DGCR2: variants seen among roughly 807,000 people sequenced by gnomAD.
DGCR2 encodes the protein integral membrane protein DGCR2/IDD.
Under a neutral mutation model 51.6 loss-of-function variants are expected in DGCR2, and 24 were observed. That is an observed-to-expected ratio of 0.47 (90% CI 0.34 to 0.65). The LOEUF is 0.65. DGCR2 is among the 30% of genes least tolerant of loss of function. The pLI is 0.01. For missense variants in DGCR2, 765 were observed against 772.1 expected, an observed-to-expected ratio of 0.99 and a Z score of 0.11; for synonymous variants, 340 against 315.4, an observed-to-expected ratio of 1.08 and a Z score of -0.82.
chr22:19,062,804 C>CTCTCTCTCTCTATCTCTA (rs1555903929), intron 5 of DGCR2, among the ~76,000 whole-genome samples: 1 of 147,946 alleles, frequency 6.8e-6, no homozygotes, highest in Non-Finnish European at 1.5e-5. Flanking sequence ...CTCTCTCTCT[C>CTCTCTCTCTCTATCTCTA]TCTATCTGCC....
intron 1 of DGCR2, among the ~76,000 whole-genome samples, chr22:19,120,084 C>T (rs1248723828): frequency 2.0e-5 from 3 of 152,284 alleles, no homozygotes; most frequent in East Asian, 1.9e-4. Flanking sequence ...GAGGCACACA[C>T]GGGCATACAA....
At chr22:19,117,700 G>T (rs1345411607) in intron 1 of DGCR2, among the ~76,000 whole-genome samples, 2 of 152,160 alleles carry the variant, frequency 1.3e-5, no homozygotes, top group African/African-American at 4.8e-5. Flanking sequence ...GGATATGCAG[G>T]TGTTCTCTGC....
chr22:19,115,893 CTCACATT>C (rs2083368335), intron 1 of DGCR2, among the ~76,000 whole-genome samples: 1 of 152,242 alleles, frequency 6.6e-6, no homozygotes, highest in Non-Finnish European at 1.5e-5. Flanking sequence ...CACAAACCAC[CTCACATT>C]TCACATTTCA....
chr22:19,041,735 G>A, intron 8 of DGCR2, 72 bp downstream of exon 8: 2 of 1,522,630 alleles, frequency 1.3e-6, no homozygotes, highest in Admixed American at 3.7e-5. Context: ...CAGGGCTGGG[G>A]AGCTCATGGA....
intron 5 of DGCR2, among the ~76,000 whole-genome samples, chr22:19,059,430 T>A (rs2107297): frequency 0.24 from 35,711 of 151,734 alleles, 4,751 homozygotes; most frequent in African/African-American, 0.37. Flanking sequence ...CAGATTTTCC[T>A]CCAGGGCCTC....
At chr22:19,055,051 G>A (rs2082586803) in intron 6 of DGCR2, among the ~76,000 whole-genome samples, 2 of 152,284 alleles carry the variant, frequency 1.3e-5, no homozygotes, top group South Asian at 4.1e-4. Flanking sequence ...GGGAGGCAGA[G>A]GTTACAGTGA....
At chr22:19,120,760 A>G (rs1400054696) in intron 1 of DGCR2, among the ~76,000 whole-genome samples, 1 of 152,196 alleles carries the variant, frequency 6.6e-6, no homozygotes, top group East Asian at 1.9e-4. Flanking sequence ...TATGTTTTCT[A>G]AAGAAGTTAA....
intron 2 of DGCR2, among the ~76,000 whole-genome samples, chr22:19,083,504 C>G (rs2082964904): frequency 6.6e-6 from 1 of 152,192 alleles, no homozygotes. Flanking sequence ...TAAAGATGCA[C>G]TGAATCCACA....
In DGCR2 at chr22:19,038,991, G is replaced by A; in HGVS notation, c.1527C>T (p.Asp509=). The change falls in exon 10 of 10, where the codon GAC becomes GAT. Residue 509 remains aspartate, a synonymous_variant. Transcript: ENST00000263196. Reference sequence around the variant, plus strand: ...GCAGGGCGCTGCTGCTGTCGGCAGAGTCTTCCAGGTCTGCCAGAGAGGCCC... The same window carrying A: ...GCAGGGCGCTGCTGCTGTCGGCAGAATCTTCCAGGTCTGCCAGAGAGGCCC... The part of the protein sequence containing the change: ...TAGASLADLE[D]SADSSSALLV... The A allele has an allele frequency of 6.2e-7, 1 of 1,612,098 alleles. No individual in the cohort carries two copies. Among genetic ancestry groups the A allele is most frequent in the Non-Finnish European group, 8.5e-7 (1 of 1,179,484 alleles).
At chr22:19,061,903 C>T (rs1025839743) in intron 5 of DGCR2, 5 of 152,144 alleles carry the variant, frequency 3.3e-5, no homozygotes, top group African/African-American at 1.2e-4. Context: ...ATTTTAGGTT[C>T]ACTCTCCTGC....
intron 2 of DGCR2, among the ~76,000 whole-genome samples, chr22:19,075,729 A>C (rs1042514116): frequency 6.6e-6 from 1 of 152,224 alleles, no homozygotes; most frequent in African/African-American, 2.4e-5. Context: ...ATATCCTCAA[A>C]GTCCATCCAT....
At chr22:19,064,439 C>T (rs1173734312) in intron 4 of DGCR2, among the ~76,000 whole-genome samples, 1 of 152,242 alleles carries the variant, frequency 6.6e-6, no homozygotes. Context: ...GAAGCGAAGG[C>T]CCCCTTGCTT....
chr22:19,060,966 T>G (rs1419282115), intron 5 of DGCR2: 1 of 424,306 alleles, frequency 2.4e-6, no homozygotes, highest in Non-Finnish European at 4.8e-6. Context: ...CTGGAACATA[T>G]TATACAACAC....
rs2082615953 is a variant in DGCR2 at position 19,057,418 on chromosome 22, G to A, written c.626-256C>T. On this transcript the variant is annotated intron_variant, in intron 5 of 9. Coordinates refer to ENST00000263196, the MANE Select transcript of DGCR2 (RefSeq NM_005137.3). The surrounding 1 kb of genome is among the most constrained non-coding windows in gnomAD (Gnocchi z 5.1). Reference sequence around the variant, plus strand: ...CCACAAACCCTGGGTAGCAGTAAGTGCCAGCCTGAGCACCAGAAGAGGGTG... The same window carrying A: ...CCACAAACCCTGGGTAGCAGTAAGTACCAGCCTGAGCACCAGAAGAGGGTG... Among the ~76,000 whole-genome samples, 1 of 152,238 alleles carries A rather than the reference G, an allele frequency of 6.6e-6. No individual in the cohort carries two copies. Among genetic ancestry groups the A allele is most frequent in the Non-Finnish European group, 1.5e-5 (1 of 68,040 alleles).
intron 1 of DGCR2, among the ~76,000 whole-genome samples, chr22:19,111,938 G>A (rs1391638240): frequency 6.7e-6 from 1 of 150,256 alleles, no homozygotes; most frequent in African/African-American, 2.5e-5. Flanking sequence ...CATCAACGAA[G>A]GCTCAGGACT....
Position 19,038,856 on chromosome 22 carries a change from C to G in DGCR2, c.*9G>C, listed in dbSNP as rs547169286. 13 of 1,611,254 alleles carry G rather than the reference C, an allele frequency of 8.1e-6. No individual in the cohort carries two copies. The South Asian group carries it at 1.4e-4, about 18-fold the overall frequency. On this transcript the variant is annotated 3_prime_UTR_variant, in exon 10 of 10. Transcript: ENST00000263196. ...TGCTCCCAGACCGTTGGGGTACAGG[C>G]CAGGCCGTCTACACCACAGTATTGA...
chr22:19,062,301 T>C (rs2082672499), intron 5 of DGCR2, among the ~76,000 whole-genome samples: 7 of 152,160 alleles, frequency 4.6e-5, no homozygotes, highest in Admixed American at 4.6e-4. Context: ...TGCTGGGCTC[T>C]GCAGCCCCCA....
rs1790571785 is a variant in DGCR2 at position 19,039,105 on chromosome 22, C to T, written c.1413G>A (p.Glu471=). 6.2e-7 allele frequency: 1 copy of T among 1,612,956 alleles called. No individual in the cohort carries two copies. The highest frequency in any genetic ancestry group is 1.3e-5 in the African/African-American group (1 of 74,920). Residue 471 remains glutamate (E), a synonymous_variant, in exon 10 of 10, where the codon GAG becomes GAA. Transcript: ENST00000263196. ...FYDPADDDAF[E]PVEVSLPAPG... ...GGGCTGGCAGGCTGACCTCCACAGG[C>T]TCAAAAGCATCATCGTCTGCAGGAA...
At chr22:19,076,021 T>C (rs1205621030) in intron 2 of DGCR2, among the ~76,000 whole-genome samples, 3 of 152,212 alleles carry the variant, frequency 2.0e-5, no homozygotes, top group African/African-American at 7.2e-5. Flanking sequence ...TGCAGTGGCA[T>C]GATCTCAGCT....
Sources: allele counts gnomAD v4.1 joint callset (sites outside exome capture counted in the v4.1 genomes callset), GRCh38; gene constraint gnomAD v4.1.1; non-coding constraint Gnocchi (gnomAD v3.1); transcripts MANE v1.5; gene names NCBI Gene and HGNC (gene_info 2026-07-23, HGNC 2026-07-21).